OSBPL9: variants seen among roughly 807,000 people sequenced by gnomAD.
OSBPL9 encodes the protein oxysterol-binding protein-related protein 9.
OSBPL9 carries 40 observed loss-of-function variants against 106.6 expected under a neutral mutation model. The ratio of observed to expected loss-of-function variants is 0.38; its 90% CI spans 0.29 to 0.49. The LOEUF is 0.49. Among genes scored for constraint, OSBPL9 ranks in the 20% least tolerant of loss-of-function variants. The pLI is 0.97. For synonymous variants in OSBPL9, 269 were observed against 295.4 expected (o/e 0.91, Z 0.92); for missense variants, 609 against 887.2 (o/e 0.69, Z 3.98).
At chr1:51,734,192 A>T (rs1040973862) in intron 4 of OSBPL9, among the ~76,000 whole-genome samples, 3 of 152,172 alleles carry the variant, frequency 2.0e-5, no homozygotes, top group African/African-American at 7.2e-5. Context: ...TTCCTGCCAT[A>T]TTGGAGTTCA....
chr1:51,767,830 G>A (rs1043938093), intron 12 of OSBPL9, among the ~76,000 whole-genome samples: 5 of 151,380 alleles, frequency 3.3e-5, no homozygotes, highest in African/African-American at 1.2e-4. Flanking sequence ...ATAATAATGG[G>A]GTTAAAAGAA....
chr1:51,785,789 T>C lies in OSBPL9; in HGVS notation c.1830-19T>C, dbSNP rs1677477197. On this transcript the variant is annotated intron_variant, in intron 20 of 23. Coordinates refer to ENST00000428468, the MANE Select transcript of OSBPL9 (RefSeq NM_024586.6). ...ATTTTCAACTTGAGACTAACACAAGTATTTCCTTTTCTGTTCAGTTCTCCA... is the reference window on the plus strand; with the variant it reads ...ATTTTCAACTTGAGACTAACACAAGCATTTCCTTTTCTGTTCAGTTCTCCA... 1 of 1,607,500 alleles carries C rather than the reference T, an allele frequency of 6.2e-7. No individual in the cohort carries two copies. Among genetic ancestry groups the C allele is most frequent in the East Asian group, 2.2e-5 (1 of 44,808 alleles).
intron 1 of OSBPL9, among the ~76,000 whole-genome samples, chr1:51,596,918 A>G (rs1255516278): frequency 6.6e-6 from 1 of 152,226 alleles, no homozygotes; most frequent in East Asian, 1.9e-4. Context: ...AGTAGGGGAC[A>G]CAGAGTCTCA....
the OSBPL9 span, among the ~76,000 whole-genome samples, chr1:51,568,676 GC>G: frequency 6.6e-6 from 1 of 151,982 alleles, no homozygotes; most frequent in African/African-American, 2.4e-5. Flanking sequence ...AAGCAATTCT[GC>G]TGCCTCAGCC....
At chr1:51,777,760 C>T (rs558120564) in intron 15 of OSBPL9, among the ~76,000 whole-genome samples, 4 of 151,778 alleles carry the variant, frequency 2.6e-5, no homozygotes, top group South Asian at 2.1e-4. Flanking sequence ...TTATTAGTAA[C>T]GTGTAAGCAA....
intron 1 of OSBPL9, among the ~76,000 whole-genome samples, chr1:51,586,508 T>A (rs1645248889): frequency 6.6e-6 from 1 of 152,230 alleles, no homozygotes; most frequent in Admixed American, 6.5e-5. Context: ...AATGCTCACA[T>A]GATTTATATG....
chr1:51,557,822 T>C, the OSBPL9 span, among the ~76,000 whole-genome samples: 1 of 152,196 alleles, frequency 6.6e-6, no homozygotes, highest in Non-Finnish European at 1.5e-5. Context: ...ATGTGCTTTG[T>C]ATTATTGAAA....
intron 9 of OSBPL9, 184 bp downstream of exon 9, chr1:51,756,542 A>G (rs1271361546): frequency 3.4e-6 from 2 of 582,688 alleles, no homozygotes; most frequent in African/African-American, 1.9e-5. Context: ...GGAAATGACA[A>G]TCTTAAAATT....
At chr1:51,655,521 A>G (rs1038358563) in intron 2 of OSBPL9, among the ~76,000 whole-genome samples, 25 of 152,176 alleles carry the variant, frequency 1.6e-4, no homozygotes, top group Admixed American at 6.5e-5. Flanking sequence ...ATGTGATGAC[A>G]TCGGATTAGG....
intron 1 of OSBPL9, among the ~76,000 whole-genome samples, chr1:51,631,169 A>C (rs1359208260): frequency 6.6e-6 from 1 of 152,178 alleles, no homozygotes; most frequent in Non-Finnish European, 1.5e-5. Flanking sequence ...CTTCTAGGTG[A>C]GGCCACAGGA....
chr1:51,759,701 C>T (rs1671096413), intron 9 of OSBPL9: 1 of 152,110 alleles, frequency 6.6e-6, no homozygotes, highest in Admixed American at 6.5e-5. Context: ...CCCCTGCTGC[C>T]CTATGGAGTT....
intron 2 of OSBPL9, among the ~76,000 whole-genome samples, chr1:51,665,580 A>G (rs756557886): frequency 1.3e-5 from 2 of 152,212 alleles, no homozygotes; most frequent in African/African-American, 4.8e-5. Context: ...GAGAATAGCA[A>G]TGTAGTTCAT....
At chr1:51,738,028 A>C (rs1381582021) in intron 4 of OSBPL9, among the ~76,000 whole-genome samples, 2 of 151,946 alleles carry the variant, frequency 1.3e-5, no homozygotes, top group East Asian at 1.9e-4. Context: ...TTACAGACTT[A>C]AGTTTTTTGT....
At chr1:51,651,340 C>G (rs984111282) in intron 1 of OSBPL9, among the ~76,000 whole-genome samples, 3 of 152,088 alleles carry the variant, frequency 2.0e-5, no homozygotes, top group African/African-American at 7.2e-5. Flanking sequence ...CGGTGACTCA[C>G]GCCTGTAATC....
chr1:51,679,291 G>A (rs540359062), intron 3 of OSBPL9, among the ~76,000 whole-genome samples: 83 of 152,324 alleles, frequency 5.4e-4, no homozygotes, highest in African/African-American at 1.9e-3. Context: ...CAAGGTTAGA[G>A]AGGATAGTTT....
chr1:51,604,636 A>C, intron 2 of OSBPL9, among the ~76,000 whole-genome samples: 1 of 152,154 alleles, frequency 6.6e-6, no homozygotes, highest in Non-Finnish European at 1.5e-5. Flanking sequence ...TTGAAGACCA[A>C]ATATGGCTAG....
At chr1:51,598,182 A>C (rs1645312008) in exon 2 of OSBPL9, 1 of 152,278 alleles carries the variant, frequency 6.6e-6, no homozygotes, top group African/African-American at 2.4e-5. Flanking sequence ...TAAAGTCAAG[A>C]TACACAGCCA....
intron 1 of OSBPL9, among the ~76,000 whole-genome samples, chr1:51,584,783 G>A (rs965344701): frequency 6.6e-6 from 1 of 152,136 alleles, no homozygotes; most frequent in South Asian, 2.1e-4. Flanking sequence ...TCTGGTTGCT[G>A]TGTTGCTCTG....
At chr1:51,625,766 C>T (rs1644730872) in intron 1 of OSBPL9, among the ~76,000 whole-genome samples, 1 of 152,116 alleles carries the variant, frequency 6.6e-6, no homozygotes, top group Non-Finnish European at 1.5e-5. Context: ...TTAAGCAATC[C>T]ACCCTCCTCG....
Sources: gnomAD v4.1 joint callset for allele counts (sites outside exome capture counted in the v4.1 genomes callset) on GRCh38, gnomAD v4.1.1 for gene constraint, MANE v1.5 for transcripts, NCBI Gene and HGNC (gene_info 2026-07-23, HGNC 2026-07-21) for gene names.